DNAL1: variants seen among roughly 807,000 people sequenced by gnomAD.
DNAL1 encodes chromosome 14 open reading frame 168.
Under a neutral mutation model 29.4 loss-of-function variants are expected in DNAL1, and 17 were observed. The ratio of observed to expected loss-of-function variants is 0.58; its 90% CI spans 0.40 to 0.87. DNAL1 has a LOEUF of 0.87. Among genes scored for constraint, DNAL1 ranks in the 40% least tolerant of loss-of-function variants. The pLI, the probability that DNAL1 is intolerant of heterozygous loss-of-function variation, is 0.00. For synonymous variants in DNAL1, 78 were observed against 76.3 expected (o/e 1.02, Z -0.12); for missense variants, 188 against 214.1 (o/e 0.88, Z 0.76).
intron 4 of DNAL1, among the ~76,000 whole-genome samples, chr14:73,670,099 T>C (rs549609261): frequency 5.5e-4 from 84 of 152,312 alleles, no homozygotes; most frequent in African/African-American, 1.9e-3. Flanking sequence ...TCCTATAAGA[T>C]AGAAATTATA....
chr14:73,689,757 G>C lies in DNAL1; in HGVS notation c.532+242G>C, dbSNP rs905315839. On this transcript the variant is annotated intron_variant, in intron 7 of 7. Transcript: ENST00000553645. Reference sequence around the variant, plus strand: ...GCTTATAAGAAAGCTAGGCCTGGCCGGGCATGGGTGGCTCACGCCTGTAAT... The same window carrying C: ...GCTTATAAGAAAGCTAGGCCTGGCCCGGCATGGGTGGCTCACGCCTGTAAT... Among the ~76,000 whole-genome samples, 3 of 151,950 alleles carry C rather than the reference G, an allele frequency of 2.0e-5. No individual in the cohort carries two copies. In the South Asian group the frequency reaches 6.2e-4, roughly 32 times the overall value.
chr14:73,662,511 G>A (rs999642898), intron 4 of DNAL1, among the ~76,000 whole-genome samples: 1 of 152,140 alleles, frequency 6.6e-6, no homozygotes, highest in African/African-American at 2.4e-5. Flanking sequence ...TTCTCTTATG[G>A]TTCTGGAGAC....
chr14:73,693,034 T>C lies in DNAL1; in HGVS notation c.533-2868T>C, dbSNP rs184372065. Among the ~76,000 whole-genome samples, 16 of 152,094 alleles carry C rather than the reference T, an allele frequency of 1.1e-4. No homozygotes were observed. The East Asian group carries it at 2.9e-3, about 28-fold the overall frequency. On this transcript the variant is annotated intron_variant, in intron 7 of 7. Coordinates refer to ENST00000553645, the MANE Select transcript of DNAL1 (RefSeq NM_031427.4). ...TATTTTTAGTAGAGATGGGGTCTTA[T>C]CATCTTGGCAAGGCTGGTCTTCAAC...
intron 1 of DNAL1, among the ~76,000 whole-genome samples, chr14:73,645,760 A>C (rs1890963046): frequency 6.6e-6 from 1 of 152,180 alleles, no homozygotes; most frequent in Non-Finnish European, 1.5e-5. Flanking sequence ...ATCCAATGAG[A>C]GCTCTTTATG....
intron 5 of DNAL1, among the ~76,000 whole-genome samples, chr14:73,678,231 T>C (rs1312290432): frequency 6.6e-6 from 1 of 151,976 alleles, no homozygotes; most frequent in Non-Finnish European, 1.5e-5. Flanking sequence ...CATTTAGGTT[T>C]CATCTTTTGG....
intron 5 of DNAL1, among the ~76,000 whole-genome samples, chr14:73,686,065 C>T (rs546783849): frequency 9.9e-5 from 15 of 152,256 alleles, no homozygotes; most frequent in Admixed American, 4.6e-4. Context: ...CCCTGCCAAC[C>T]GTGTACAAGG....
chr14:73,652,642 C>T (rs1435150627), intron 1 of DNAL1, among the ~76,000 whole-genome samples: 2 of 152,064 alleles, frequency 1.3e-5, no homozygotes, highest in African/African-American at 4.8e-5. Flanking sequence ...GATTTAAGAA[C>T]CAACTTTTAG....
At chr14:73,652,340 T>G (rs1216935632) in intron 1 of DNAL1, among the ~76,000 whole-genome samples, 2 of 152,184 alleles carry the variant, frequency 1.3e-5, no homozygotes, top group African/African-American at 4.8e-5. Context: ...CTTGGCTCAC[T>G]GCACCCTCTC....
chr14:73,654,361 C>T (rs1012478513), intron 1 of DNAL1, among the ~76,000 whole-genome samples: 7 of 152,118 alleles, frequency 4.6e-5, no homozygotes, highest in Non-Finnish European at 8.8e-5. Context: ...GAAATTAAAA[C>T]GTCCTCTTTG....
chr14:73,676,943 A>C (rs1334069291), intron 5 of DNAL1, among the ~76,000 whole-genome samples: 1 of 151,150 alleles, frequency 6.6e-6, no homozygotes, highest in Non-Finnish European at 1.5e-5. Context: ...CTCCACCCTC[A>C]ACATCAGTGA....
intron 1 of DNAL1, 144 bp downstream of exon 1, chr14:73,645,186 C>G: frequency 6.8e-7 from 1 of 1,468,332 alleles, no homozygotes; most frequent in Non-Finnish European, 9.3e-7. Flanking sequence ...GTCAGGGGCC[C>G]GAGGCGAAAG....
In DNAL1 at chr14:73,695,936, C is replaced by T; in HGVS notation, c.567C>T (p.Asp189=). The T allele has an allele frequency of 6.3e-7, 1 of 1,589,410 alleles. No homozygotes were observed. The highest frequency in any genetic ancestry group is 8.6e-7 in the Non-Finnish European group (1 of 1,166,412). Residue 189 remains aspartate, a synonymous_variant, in exon 8 of 8, where the codon GAC becomes GAT. Coordinates refer to ENST00000553645, the MANE Select transcript of DNAL1 (RefSeq NM_031427.4). Reference sequence around the variant, plus strand: ...TAATTAAAGGGGATGAGGAAGAAGACAACTAATGCCACGCTTTCCACTGTG... The same window carrying T: ...TAATTAAAGGGGATGAGGAAGAAGATAACTAATGCCACGCTTTCCACTGTG... ...TPVIKGDEEE[D]N
At chr14:73,659,099 C>T (rs1891280353) in intron 3 of DNAL1, 143 bp downstream of exon 3, 1 of 540,134 alleles carries the variant, frequency 1.9e-6, no homozygotes, top group Non-Finnish European at 3.1e-6. Flanking sequence ...TTGGCAAGGT[C>T]AAACATGAAA....
At chr14:73,662,503 C>A (rs1010595418) in intron 4 of DNAL1, among the ~76,000 whole-genome samples, 1 of 152,110 alleles carries the variant, frequency 6.6e-6, no homozygotes, top group African/African-American at 2.4e-5. Flanking sequence ...GATATATATT[C>A]TCTTATGGTT....
chr14:73,686,161 C>G (rs1892015249), intron 5 of DNAL1, among the ~76,000 whole-genome samples: 1 of 152,096 alleles, frequency 6.6e-6, no homozygotes, highest in African/African-American at 2.4e-5. Context: ...GATGGTATTT[C>G]ATTGCGCCAG....
intron 5 of DNAL1, among the ~76,000 whole-genome samples, chr14:73,685,592 T>G (rs1191304297): frequency 6.6e-6 from 1 of 151,942 alleles, no homozygotes; most frequent in African/African-American, 2.4e-5. Flanking sequence ...CCAAAGTAGC[T>G]GGGACTACAG....
intron 5 of DNAL1, among the ~76,000 whole-genome samples, chr14:73,684,577 A>G (rs1566889694): frequency 6.6e-6 from 1 of 152,158 alleles, no homozygotes; most frequent in Non-Finnish European, 1.5e-5. Context: ...AATAATCATC[A>G]TCATCATCCT....
In DNAL1 at chr14:73,701,190, T is replaced by G. The variant is rs543049159; in HGVS notation, c.*5248T>G. Reference sequence around the variant, plus strand: ...TTAGAGGAGACCCAGCCAACCAAATTATGATCTAGCAAATTTAACATAGGG... The same window carrying G: ...TTAGAGGAGACCCAGCCAACCAAATGATGATCTAGCAAATTTAACATAGGG... On this transcript the variant is annotated 3_prime_UTR_variant, in exon 8 of 8. Coordinates refer to ENST00000553645, the MANE Select transcript of DNAL1 (RefSeq NM_031427.4). The G allele has an allele frequency of 3.3e-5, 5 of 152,326 alleles. No homozygotes were observed. The highest frequency in any genetic ancestry group is 1.2e-4 in the African/African-American group (5 of 41,570). The allele number at this position is 152,326 out of a possible 1,614,324, so 9.4% of individuals were successfully genotyped here.
chr14:73,679,645 T>C (rs139891044), intron 5 of DNAL1, among the ~76,000 whole-genome samples: 298 of 152,312 alleles, frequency 2.0e-3, no homozygotes, highest in African/African-American at 6.9e-3. Context: ...AAAACTGATA[T>C]ATTTTCTCTT....
Sources: gnomAD v4.1 joint callset for allele counts (sites outside exome capture counted in the v4.1 genomes callset) on GRCh38, gnomAD v4.1.1 for gene constraint, MANE v1.5 for transcripts, NCBI Gene and HGNC (gene_info 2026-07-23, HGNC 2026-07-21) for gene names.